NCALD: variants seen among roughly 807,000 people sequenced by gnomAD.
NCALD encodes neurocalcin-delta.
Under a neutral mutation model 18.6 loss-of-function variants are expected in NCALD, and 10 were observed. The observed-to-expected ratio is 0.54, with a 90% confidence interval of 0.33 to 0.91. The LOEUF is 0.91. Ranked by LOEUF, NCALD falls within the 40% of genes least tolerant of loss-of-function variation. The pLI, the probability that NCALD is intolerant of heterozygous loss-of-function variation, is 0.03. For synonymous variants in NCALD, 88 were observed against 87.4 expected, an observed-to-expected ratio of 1.01 and a Z score of -0.04; for missense variants, 184 against 247.6, an observed-to-expected ratio of 0.74 and a Z score of 1.72.
At chr8:101,792,556 G>A (rs1159039937), upstream of NCALD, among the ~76,000 whole-genome samples, 2 of 152,160 alleles carry the variant, frequency 1.3e-5, no homozygotes, top group Non-Finnish European at 2.9e-5. Flanking sequence ...CAAGGACAAT[G>A]GAATCCAATG....
intron 2 of NCALD, among the ~76,000 whole-genome samples, chr8:101,995,624 A>T (rs1236216036): frequency 6.6e-6 from 1 of 152,116 alleles, no homozygotes; most frequent in African/African-American, 2.4e-5. Flanking sequence ...CTCACTCATC[A>T]CCAAGAGGAT....
intron 4 of NCALD, among the ~76,000 whole-genome samples, chr8:101,864,026 A>G (rs1815655664): frequency 6.6e-6 from 1 of 152,222 alleles, no homozygotes; most frequent in Non-Finnish European, 1.5e-5. Context: ...GCAACAGAAC[A>G]GAGAACTAAA....
intron 2 of NCALD, among the ~76,000 whole-genome samples, chr8:102,019,706 T>A (rs1309866886): frequency 6.6e-6 from 1 of 152,168 alleles, no homozygotes; most frequent in African/African-American, 2.4e-5. Context: ...TAGCTAAGTA[T>A]AGAAAAGATA....
rs1810541776 is a variant in NCALD, at chr8:101,748,995, C to T, written c.-19-29347G>A. Among the ~76,000 whole-genome samples, 3 of 152,130 alleles carry T rather than the reference C, an allele frequency of 2.0e-5. No homozygotes were observed. The South Asian group carries it at 6.2e-4, about 32-fold the overall frequency. ...CTCTTCTTACCCTGGAGCATGTGTG[C>T]ATGCGCGGTATGTGTGTGTGTTTTC... On this transcript the variant is annotated intron_variant, in intron 1 of 3. Coordinates refer to ENST00000220931, the MANE Select transcript of NCALD (RefSeq NM_032041.3).
intron 1 of NCALD, among the ~76,000 whole-genome samples, chr8:101,735,253 A>C (rs1817024425): frequency 6.6e-6 from 1 of 152,204 alleles, no homozygotes; most frequent in South Asian, 2.1e-4. Context: ...AAGAGAGAAA[A>C]GAGCATGGAA....
chr8:102,081,557 AAAAAAAAAAAAAAAAAAAAC>A (rs1824530860), intron 1 of NCALD, among the ~76,000 whole-genome samples: 1 of 99,714 alleles, frequency 1.0e-5, no homozygotes, highest in Non-Finnish European at 1.9e-5. Flanking sequence ...AAAAAAAAAA[AAAAAAAAAAAAAAAAAAAAC>A]CCCAAAAAAA....
Position 101,837,269 on chromosome 8 carries a change from C to A in NCALD, c.-20+49872G>T, listed in dbSNP as rs368538326. On this transcript the variant is annotated intron_variant, in intron 4 of 6. Coordinates refer to the NCALD transcript ENST00000311028. ...CCCTGTGTCCTTGGTTGATGCCATTCCTGATCTGTAAACCCACTGAGACCA... is the reference window on the plus strand; with the variant it reads ...CCCTGTGTCCTTGGTTGATGCCATTACTGATCTGTAAACCCACTGAGACCA... 2.0e-5 allele frequency among the ~76,000 whole-genome samples: 3 copies of A among 151,722 alleles called. No homozygotes were observed. In the East Asian group the frequency reaches 5.8e-4, roughly 29 times the overall value.
At position 101,891,385 on chromosome 8, in the gene NCALD, T is replaced by A. The variant is rs556569560; in HGVS notation, c.-106-4158A>T. Among the ~76,000 whole-genome samples the A allele has an allele frequency of 3.3e-5, 5 of 152,364 alleles. 1 individual carries two copies. In the South Asian group the frequency reaches 8.3e-4, roughly 25 times the overall value. On this transcript the variant is annotated intron_variant, in intron 3 of 6. Transcript: ENST00000311028. ...TCATACAGTATGTGACATTTGGATATTTTTCACTCAGCATAATGTCCTTTA... is the reference window on the plus strand; with the variant it reads ...TCATACAGTATGTGACATTTGGATAATTTTCACTCAGCATAATGTCCTTTA...
intron 4 of NCALD, among the ~76,000 whole-genome samples, chr8:101,864,593 C>CTTTTTT (rs34516996): frequency 1.5e-5 from 2 of 136,870 alleles, no homozygotes; most frequent in Non-Finnish European, 3.1e-5. Context: ...TCTTTCCTTT[C>CTTTTTT]TTTTTTTTTT....
chr8:101,981,661 G>T (rs1481864081), intron 2 of NCALD, among the ~76,000 whole-genome samples: 1 of 152,178 alleles, frequency 6.6e-6, no homozygotes, highest in Non-Finnish European at 1.5e-5. Flanking sequence ...AAATTAAATG[G>T]CCATAAGGAA....
intron 4 of NCALD, among the ~76,000 whole-genome samples, chr8:101,812,291 A>C (rs534625698): frequency 1.2e-4 from 18 of 152,054 alleles, no homozygotes; most frequent in African/African-American, 4.4e-4. Flanking sequence ...AAAGCAGTCT[A>C]TGAATCAAGC....
At chr8:101,872,821 A>G (rs1157126203) in intron 4 of NCALD, among the ~76,000 whole-genome samples, 1 of 152,186 alleles carries the variant, frequency 6.6e-6, no homozygotes, top group Non-Finnish European at 1.5e-5. Context: ...ACCTGTTTAG[A>G]GCATGATCCC....
chr8:101,873,548 G>T (rs1816104728), intron 4 of NCALD, among the ~76,000 whole-genome samples: 1 of 152,074 alleles, frequency 6.6e-6, no homozygotes. Flanking sequence ...GCAAATGCAA[G>T]GTAAAATATA....
chr8:101,857,824 G>A (rs1815381191), intron 4 of NCALD, among the ~76,000 whole-genome samples: 1 of 152,140 alleles, frequency 6.6e-6, no homozygotes, highest in South Asian at 2.1e-4. Flanking sequence ...GACTTTCTTG[G>A]ATTTAGCACT....
At chr8:101,927,509 C>T (rs1040982122) in intron 2 of NCALD, among the ~76,000 whole-genome samples, 35 of 152,168 alleles carry the variant, frequency 2.3e-4, no homozygotes, top group African/African-American at 8.0e-4. Flanking sequence ...AAGGAGGAGC[C>T]AACCTCGCCA....
At chr8:101,996,887 G>A (rs144045903) in intron 2 of NCALD, among the ~76,000 whole-genome samples, 157 of 152,302 alleles carry the variant, frequency 1.0e-3, no homozygotes, top group Middle Eastern at 3.4e-3. Flanking sequence ...CCATTATCAC[G>A]GGCTTCAGGT....
chr8:102,114,495 G>A lies in NCALD; in HGVS notation c.-210+9742C>T, dbSNP rs574030349. Among the ~76,000 whole-genome samples the A allele has an allele frequency of 5.3e-5, 8 of 152,314 alleles. No homozygotes were observed. In the East Asian group the frequency reaches 1.5e-3, roughly 29 times the overall value. Reference sequence around the variant, plus strand: ...AATGAAGGATGATGCAGGACTCTAAGGCTAGTAATAGCAGGAAGCCATGAC... The same window carrying A: ...AATGAAGGATGATGCAGGACTCTAAAGCTAGTAATAGCAGGAAGCCATGAC... On this transcript the variant is annotated intron_variant, in intron 1 of 6. Coordinates refer to the NCALD transcript ENST00000311028.
intron 4 of NCALD, among the ~76,000 whole-genome samples, chr8:101,871,583 C>CTTTTTTTTTTTTTTTTTTTTTTT (rs3056946): frequency 7.2e-6 from 1 of 138,844 alleles, no homozygotes; most frequent in African/African-American, 2.6e-5. Flanking sequence ...TTCAGATTTT[C>CTTTTTTTTTTTTTTTTTTTTTTT]TTTTTTTTTT....
At chr8:101,793,879 C>G (rs1040817254), upstream of NCALD, among the ~76,000 whole-genome samples, 3 of 152,176 alleles carry the variant, frequency 2.0e-5, no homozygotes, top group Non-Finnish European at 4.4e-5. Context: ...AGCAGTCTGA[C>G]CTGGGCTCAC....
Sources: allele counts gnomAD v4.1 joint callset (sites outside exome capture counted in the v4.1 genomes callset), GRCh38; gene constraint gnomAD v4.1.1; transcripts MANE v1.5; gene names NCBI Gene and HGNC (gene_info 2026-07-23, HGNC 2026-07-21).